Variants in GNAL observed in about 807,000 individuals in gnomAD.
GNAL encodes G protein subunit alpha L.
In GNAL, 18 loss-of-function variants were observed where a neutral mutation model predicts 55.1. The observed-to-expected ratio is 0.33, with a 90% CI of 0.23 to 0.48. The LOEUF (loss-of-function observed/expected upper bound fraction) is 0.48, where lower values mean the gene tolerates loss of function less well. GNAL is among the 20% of genes least tolerant of loss of function. The probability of loss-of-function intolerance (pLI) is 0.99; values close to 1 mark genes in which losing one functional copy is unlikely to be tolerated. For missense variants in GNAL, 412 were observed against 614.1 expected, an observed-to-expected ratio of 0.67 and a Z score of 3.48; for synonymous variants, 253 against 237.0, an observed-to-expected ratio of 1.07 and a Z score of -0.62.
chr18:11,715,802 G>T lies in GNAL; in HGVS notation c.376+25863G>T, dbSNP rs146396824. On this transcript the variant is annotated intron_variant, in intron 1 of 11. Transcript: ENST00000334049. ...AAGCAGCCAGTAGAAGCTGGGAGCA[G>T]GGTGGTAGTAATGGACTGATGAGAA... 1.5e-3 allele frequency among the ~76,000 whole-genome samples: 234 copies of T among 152,208 alleles called. 2 individuals carry two copies. Among genetic ancestry groups the T allele is most frequent in the Non-Finnish European group, 3.0e-3 (201 of 68,026 alleles).
At chr18:11,749,519 C>A (rs1442831629) in intron 1 of GNAL, among the ~76,000 whole-genome samples, 4 of 152,088 alleles carry the variant, frequency 2.6e-5, no homozygotes, top group Non-Finnish European at 5.9e-5. Flanking sequence ...ATTCCCTTGA[C>A]AAATATTCCC....
chr18:11,784,209 T>C (rs570117156), intron 4 of GNAL, among the ~76,000 whole-genome samples: 1 of 152,382 alleles, frequency 6.6e-6, no homozygotes, highest in Admixed American at 6.5e-5. Flanking sequence ...AGCCTGTTGC[T>C]CTTCTGGAGA....
At chr18:11,863,366 G>C (rs2036191067) in intron 6 of GNAL, among the ~76,000 whole-genome samples, 1 of 152,140 alleles carries the variant, frequency 6.6e-6, no homozygotes, top group African/African-American at 2.4e-5. Context: ...ACTTCCCCCA[G>C]AGTCTGTATT....
Position 11,751,722 on chromosome 18 carries a change from G to C in GNAL, c.377-1131G>C. 1 of 942,548 alleles carries C rather than the reference G, an allele frequency of 1.1e-6. No homozygotes were observed. Among genetic ancestry groups the C allele is most frequent in the Non-Finnish European group, 1.3e-6 (1 of 790,736 alleles). 58.4% of individuals were successfully genotyped at this position (942,548 alleles called of 1,614,324 possible). On this transcript the variant is annotated intron_variant, in intron 1 of 11. Coordinates refer to ENST00000334049, the MANE Select transcript of GNAL (RefSeq NM_182978.4). The surrounding 1 kb of genome is among the most constrained non-coding windows in gnomAD (Gnocchi z 4.5). ...CGGTCAGCGTGTAAGCGCCCCAGCC[G>C]GCCGGGCTCCGTGGGGGGTCAGCTC...
chr18:11,770,821 T>G (rs945986201), intron 4 of GNAL, among the ~76,000 whole-genome samples: 1 of 152,154 alleles, frequency 6.6e-6, no homozygotes, highest in Non-Finnish European at 1.5e-5. Flanking sequence ...TAAATTTAAG[T>G]TTTTTAAAAA....
At chr18:11,759,180 A>T (rs1003884325) in intron 4 of GNAL, among the ~76,000 whole-genome samples, 1 of 152,122 alleles carries the variant, frequency 6.6e-6, no homozygotes, top group African/African-American at 2.4e-5. Flanking sequence ...CTCAAAAAAA[A>T]ACAAAAAGGA....
intron 1 of GNAL, chr18:11,746,404 G>A: frequency 3.8e-6 from 1 of 263,992 alleles, no homozygotes; most frequent in South Asian, 4.5e-5. Flanking sequence ...GAGTCCAGGA[G>A]TTTAAGACCA....
At chr18:11,702,820 A>AG (rs2031605655) in intron 1 of GNAL, among the ~76,000 whole-genome samples, 1 of 242 alleles carries the variant, frequency 4.1e-3, no homozygotes, top group South Asian at 0.5. Flanking sequence ...CTTCCCACTT[A>AG]AAAAAAAAAA....
rs112143372 is a variant in GNAL, at chr18:11,765,595, C to T, written c.624+11650C>T. 8.0e-3 allele frequency among the ~76,000 whole-genome samples: 1,216 copies of T among 152,308 alleles called. 14 individuals are homozygous for T. The highest frequency in any genetic ancestry group is 0.027 in the African/African-American group (1,134 of 41,564). On this transcript the variant is annotated intron_variant, in intron 4 of 11. Transcript: ENST00000334049. ...ACTATTCTTCCCAGCCTCTAGTAAG[C>T]ATCATTCTGTTCTCTACTTCCATGA...
chr18:11,873,402 C>G (rs2036444260), intron 10 of GNAL, among the ~76,000 whole-genome samples: 1 of 152,188 alleles, frequency 6.6e-6, no homozygotes, highest in Non-Finnish European at 1.5e-5. Flanking sequence ...AATCCTACTG[C>G]TATCACCTGT....
At chr18:11,732,730 G>A (rs894511215) in intron 1 of GNAL, among the ~76,000 whole-genome samples, 3 of 152,226 alleles carry the variant, frequency 2.0e-5, no homozygotes, top group African/African-American at 7.2e-5. Context: ...ATGGAGGAGG[G>A]ATAGACGGAG....
chr18:11,693,871 T>TTTA (rs1421819072), intron 1 of GNAL, among the ~76,000 whole-genome samples: 33 of 149,946 alleles, frequency 2.2e-4, no homozygotes, highest in Non-Finnish European at 4.3e-4. Flanking sequence ...TTTTTTTTTT[T>TTTA]AGACAGGATC....
rs149502185 is a variant in GNAL, at chr18:11,884,436, G to T, written c.*3301G>T. On this transcript the variant is annotated 3_prime_UTR_variant, in exon 12 of 12. Transcript: ENST00000334049. Reference sequence around the variant, plus strand: ...CTTGGGCTTTGATATTTATAATGGCGCCTGCTCTTCATCTTGTCTTACGCT... The same window carrying T: ...CTTGGGCTTTGATATTTATAATGGCTCCTGCTCTTCATCTTGTCTTACGCT... 3.1e-6 allele frequency: 5 copies of T among 1,611,820 alleles called. No homozygotes were observed. The highest frequency in any genetic ancestry group is 3.4e-6 in the Non-Finnish European group (4 of 1,178,464).
chr18:11,692,496 C>T (rs1190280726), intron 1 of GNAL, among the ~76,000 whole-genome samples: 2 of 152,118 alleles, frequency 1.3e-5, no homozygotes, highest in Non-Finnish European at 2.9e-5. Flanking sequence ...TCTGAGGATA[C>T]AGAAGTGTAA....
At chr18:11,746,860 C>T in intron 1 of GNAL, 1 of 532,520 alleles carries the variant, frequency 1.9e-6, no homozygotes, top group Admixed American at 2.0e-5. Context: ...ATCATGAAAC[C>T]CTCTTGAACT....
chr18:11,805,738 C>T (rs2034641693), intron 4 of GNAL, among the ~76,000 whole-genome samples: 2 of 152,142 alleles, frequency 1.3e-5, no homozygotes, highest in Admixed American at 1.3e-4. Context: ...TATACCACAT[C>T]CAGTCATCCA....
intron 4 of GNAL, among the ~76,000 whole-genome samples, chr18:11,771,815 A>G (rs147174867): frequency 6.6e-6 from 1 of 152,252 alleles, no homozygotes; most frequent in East Asian, 1.9e-4. Flanking sequence ...TCTGGGTTCA[A>G]GCGATTCTCC....
At chr18:11,694,686 T>C (rs1441155954) in intron 1 of GNAL, among the ~76,000 whole-genome samples, 2 of 152,140 alleles carry the variant, frequency 1.3e-5, no homozygotes, top group African/African-American at 4.8e-5. Context: ...AGAGGAATTC[T>C]CAGATAACTC....
intron 7 of GNAL, 145 bp from the exon 8 acceptor site, chr18:11,867,023 T>C: frequency 1.5e-6 from 1 of 686,578 alleles, no homozygotes. Context: ...ACACAGGGAG[T>C]GATGGTGCAG....
Sources: gnomAD v4.1 joint callset for allele counts (sites outside exome capture counted in the v4.1 genomes callset) on GRCh38, gnomAD v4.1.1 for gene constraint, Gnocchi (gnomAD v3.1) non-coding constraint, MANE v1.5 for transcripts, NCBI Gene and HGNC (gene_info 2026-07-23, HGNC 2026-07-21) for gene names.